Variants in SHISA9 observed in about 807,000 individuals in gnomAD.
SHISA9 encodes the protein shisa family member 9.
Under a neutral mutation model 38.0 loss-of-function variants are expected in SHISA9, and 13 were observed. The ratio of observed to expected loss-of-function variants is 0.34; its 90% CI spans 0.22 to 0.54. The LOEUF (loss-of-function observed/expected upper bound fraction) is 0.54. Among genes scored for constraint, SHISA9 ranks in the 20% least tolerant of loss-of-function variants. The probability of loss-of-function intolerance (pLI) is 0.91; values close to 1 mark genes in which losing one functional copy is unlikely to be tolerated. For missense variants in SHISA9, 538 were observed against 575.8 expected (o/e 0.93, Z 0.67); for synonymous variants, 275 against 242.0 (o/e 1.14, Z -1.27).
the SHISA9 span, among the ~76,000 whole-genome samples, chr16:13,374,258 C>A: frequency 6.6e-6 from 1 of 151,284 alleles, no homozygotes; most frequent in Non-Finnish European, 1.5e-5. Context: ...TGTTGGTGTG[C>A]TGCACCCGTT....
intron 2 of SHISA9, among the ~76,000 whole-genome samples, chr16:13,142,067 A>C (rs751176863): frequency 6.6e-6 from 1 of 152,246 alleles, no homozygotes; most frequent in Non-Finnish European, 1.5e-5. Flanking sequence ...TTCTACCTGA[A>C]ACAACATTAC....
At chr16:13,149,640 T>C (rs961272048) in intron 2 of SHISA9, among the ~76,000 whole-genome samples, 1 of 151,968 alleles carries the variant, frequency 6.6e-6, no homozygotes, top group Non-Finnish European at 1.5e-5. Context: ...GAGATAGTCA[T>C]GGGACCAGGC....
chr16:13,458,811 A>AT, the SHISA9 span: 1 of 182,290 alleles, frequency 5.5e-6, no homozygotes. Flanking sequence ...CTGAATATTT[A>AT]TTGTGGACTT....
At chr16:13,127,580 G>A (rs2141984217) in intron 2 of SHISA9, among the ~76,000 whole-genome samples, 1 of 152,182 alleles carries the variant, frequency 6.6e-6, no homozygotes, top group South Asian at 2.1e-4. Flanking sequence ...GAAGAGAAGG[G>A]GAGGGAGAGC....
At chr16:13,071,038 G>A (rs550655379) in intron 2 of SHISA9, among the ~76,000 whole-genome samples, 1 of 152,236 alleles carries the variant, frequency 6.6e-6, no homozygotes, top group South Asian at 2.1e-4. Context: ...AAGTCCTCAG[G>A]AACTAACATG....
intron 2 of SHISA9, among the ~76,000 whole-genome samples, chr16:13,132,799 G>C (rs902194883): frequency 3.9e-5 from 6 of 152,158 alleles, no homozygotes; most frequent in East Asian, 1.9e-4. Flanking sequence ...GAAGGTCTTT[G>C]GAGAAAAATT....
chr16:13,134,552 G>GT (rs914595336), intron 2 of SHISA9, among the ~76,000 whole-genome samples: 2 of 151,844 alleles, frequency 1.3e-5, no homozygotes, highest in Non-Finnish European at 2.9e-5. Context: ...GGATTTTTTT[G>GT]TTTTTTCAGG....
chr16:13,051,886 T>C (rs913837549), intron 2 of SHISA9, among the ~76,000 whole-genome samples: 1 of 152,098 alleles, frequency 6.6e-6, no homozygotes, highest in Non-Finnish European at 1.5e-5. Context: ...TGCCTCAGTC[T>C]CCTGAGTAGC....
At chr16:13,256,254 A>G in the SHISA9 span, among the ~76,000 whole-genome samples, 1 of 134,382 alleles carries the variant, frequency 7.4e-6, no homozygotes, top group Non-Finnish European at 1.6e-5. Context: ...CCATTATTGA[A>G]ATTACAGCAT....
At chr16:13,024,801 C>G (rs773182132) in intron 2 of SHISA9, among the ~76,000 whole-genome samples, 2 of 152,134 alleles carry the variant, frequency 1.3e-5, no homozygotes, top group African/African-American at 2.4e-5. Flanking sequence ...CCTCAAAGTT[C>G]CTGTGTTGGC....
intron 1 of SHISA9, among the ~76,000 whole-genome samples, chr16:12,904,989 A>G (rs1156615920): frequency 6.6e-6 from 1 of 152,186 alleles, no homozygotes; most frequent in African/African-American, 2.4e-5. Flanking sequence ...AAGTGCTAGG[A>G]CTACAGGCAT....
At chr16:13,077,019 G>T (rs1052209139) in intron 2 of SHISA9, among the ~76,000 whole-genome samples, 1 of 152,198 alleles carries the variant, frequency 6.6e-6, no homozygotes, top group Non-Finnish European at 1.5e-5. Context: ...ATCCCACGGA[G>T]GCTGGAGAGA....
the SHISA9 span, among the ~76,000 whole-genome samples, chr16:13,395,990 T>C: frequency 6.6e-6 from 1 of 152,156 alleles, no homozygotes; most frequent in Admixed American, 6.5e-5. Context: ...CTCTTTTTAT[T>C]TGAAACACGG....
chr16:13,542,823 G>A, the SHISA9 span, among the ~76,000 whole-genome samples: 3 of 152,172 alleles, frequency 2.0e-5, no homozygotes, highest in South Asian at 2.1e-4. Context: ...CAGGGATGGA[G>A]GTTTTGGGGC....
chr16:13,262,097 G>C, the SHISA9 span, among the ~76,000 whole-genome samples: 1 of 152,154 alleles, frequency 6.6e-6, no homozygotes, highest in African/African-American at 2.4e-5. Flanking sequence ...TCTCTTTGAG[G>C]TTCAGACTGA....
At chr16:13,019,961 CTCCTTCTTTCCTTCCT>C (rs1167749738) in intron 2 of SHISA9, among the ~76,000 whole-genome samples, 8 of 33,036 alleles carry the variant, frequency 2.4e-4, no homozygotes, top group South Asian at 1.0e-3. Context: ...CTTTCTTTCC[CTCCTTCTTTCCTTCCT>C]TCCTTCCTTC....
intron 2 of SHISA9, among the ~76,000 whole-genome samples, chr16:13,121,832 T>TACAC (rs55727441): frequency 0.012 from 1,667 of 134,824 alleles, 15 homozygotes; most frequent in East Asian, 0.017. Context: ...TATACACACA[T>TACAC]ACACACACAC....
At chr16:12,970,493 ATATATTTTTTTTTTTTTTTTT>A (rs1315240428) in intron 2 of SHISA9, among the ~76,000 whole-genome samples, 3 of 30,382 alleles carry the variant, frequency 9.9e-5, no homozygotes, top group African/African-American at 3.8e-4. Context: ...ATATATATAT[ATATATTTTTTTTTTTTTTTTT>A]TTTTTTTTTT....
intron 2 of SHISA9, among the ~76,000 whole-genome samples, chr16:13,042,613 G>A (rs1019593858): frequency 1.3e-5 from 2 of 152,040 alleles, no homozygotes; most frequent in Admixed American, 6.6e-5. Context: ...TGATTTTCTG[G>A]TCCTTTGGTG....
Sources: gnomAD v4.1 joint callset for allele counts (sites outside exome capture counted in the v4.1 genomes callset) on GRCh38, gnomAD v4.1.1 for gene constraint, MANE v1.5 for transcripts, NCBI Gene and HGNC (gene_info 2026-07-23, HGNC 2026-07-21) for gene names.